The following LRCH3 variants were observed in gnomAD, a reference collection of about 807,000 sequenced individuals.
LRCH3 encodes the protein DISP complex protein LRCH3.
Under a neutral mutation model 104.5 loss-of-function variants are expected in LRCH3, and 68 were observed. That is an observed-to-expected ratio of 0.65 (90% CI 0.54 to 0.80). The LOEUF is 0.80. LRCH3 is among the 30% of genes least tolerant of loss of function. LRCH3 has a pLI of 0.00. For synonymous variants in LRCH3, 344 were observed against 361.3 expected, an observed-to-expected ratio of 0.95 and a Z score of 0.54; for missense variants, 951 against 953.9, an observed-to-expected ratio of 1.00 and a Z score of 0.04.
At chr3:197,865,018 G>GGA (rs973905559) in intron 15 of LRCH3, among the ~76,000 whole-genome samples, 8 of 151,762 alleles carry the variant, frequency 5.3e-5, no homozygotes, top group African/African-American at 1.9e-4. Context: ...AGAGAGAGAG[G>GGA]GAGAGAGAGA....
chr3:197,864,443 A>C (rs1741224854), intron 15 of LRCH3, among the ~76,000 whole-genome samples: 1 of 149,738 alleles, frequency 6.7e-6, no homozygotes, highest in South Asian at 2.1e-4. Context: ...CCCCGTATCT[A>C]CTAAAAATAC....
chr3:197,814,221 C>T (rs75896067), intron 1 of LRCH3, among the ~76,000 whole-genome samples: 2,737 of 152,230 alleles, frequency 0.018, 34 homozygotes, highest in Non-Finnish European at 0.028. Flanking sequence ...CTTACTTACA[C>T]GGCAGCGGCA....
chr3:197,835,583 G>A, intron 8 of LRCH3, 91 bp from the exon 9 acceptor site: 10 of 1,331,620 alleles, frequency 7.5e-6, no homozygotes, highest in Non-Finnish European at 9.7e-6. Context: ...ATGGGGAAAA[G>A]GAAATAAGTA....
At chr3:197,825,125 C>G (rs1403089746) in intron 4 of LRCH3, among the ~76,000 whole-genome samples, 1 of 152,136 alleles carries the variant, frequency 6.6e-6, no homozygotes, top group Admixed American at 6.6e-5. Context: ...TTTCCACTTT[C>G]AGTGTTTAAA....
chr3:197,861,059 C>T (rs1257392230), intron 15 of LRCH3, among the ~76,000 whole-genome samples: 1 of 151,466 alleles, frequency 6.6e-6, no homozygotes, highest in African/African-American at 2.4e-5. Context: ...GCAACCTCTG[C>T]CTCCTGGGTT....
At chr3:197,833,259 C>A (rs1349359208) in intron 8 of LRCH3, among the ~76,000 whole-genome samples, 2 of 148,128 alleles carry the variant, frequency 1.4e-5, no homozygotes, top group Admixed American at 1.4e-4. Flanking sequence ...GTGGCTCACG[C>A]CTGTAATCCC....
At chr3:197,835,017 A>ATGTG (rs1560558887) in intron 8 of LRCH3, among the ~76,000 whole-genome samples, 1 of 151,854 alleles carries the variant, frequency 6.6e-6, no homozygotes, top group Non-Finnish European at 1.5e-5. Context: ...GGTGGTGCAC[A>ATGTG]CCTGTAATCC....
At chr3:197,823,807 T>C (rs1298563490) in intron 4 of LRCH3, among the ~76,000 whole-genome samples, 1 of 152,128 alleles carries the variant, frequency 6.6e-6, no homozygotes, top group African/African-American at 2.4e-5. Context: ...CTAACTGATA[T>C]GTTTTTATAG....
intron 20 of LRCH3, among the ~76,000 whole-genome samples, chr3:197,879,304 C>T (rs1008203792): frequency 1.3e-5 from 2 of 152,148 alleles, no homozygotes; most frequent in African/African-American, 4.8e-5. Context: ...AGGCCCTTAA[C>T]AGCTCTGCCT....
intron 20 of LRCH3, chr3:197,882,875 A>G (rs546992965): frequency 3.1e-4 from 308 of 985,260 alleles, no homozygotes; most frequent in Non-Finnish European, 3.6e-4. Context: ...AGGATATTAA[A>G]TCCTTTACAT....
chr3:197,818,035 A>C (rs188489897), intron 3 of LRCH3, among the ~76,000 whole-genome samples: 1 of 152,208 alleles, frequency 6.6e-6, no homozygotes, highest in Admixed American at 6.5e-5. Context: ...GTTAGCCAGG[A>C]TAGTCTTGAT....
chr3:197,870,113 T>G, intron 17 of LRCH3, 47 bp from the exon 18 acceptor site: 1 of 1,595,948 alleles, frequency 6.3e-7, no homozygotes, highest in Non-Finnish European at 8.6e-7. Flanking sequence ...GATGTTCTCC[T>G]AGCACTGCCA....
rs549868181 is a variant in LRCH3, at chr3:197,849,810, T to C, written c.1530+1789T>C. ...TCGTCCATTTGACTTGATAGACCTTTATGGAATGCTGGTTGTACAAGGAAT... is the reference window on the plus strand; with the variant it reads ...TCGTCCATTTGACTTGATAGACCTTCATGGAATGCTGGTTGTACAAGGAAT... On this transcript the variant is annotated intron_variant, in intron 12 of 20. Transcript: ENST00000425562. Among the ~76,000 whole-genome samples the C allele has an allele frequency of 1.5e-4, 23 of 152,300 alleles. 1 individual carries two copies. Among genetic ancestry groups the C allele is most frequent in the Middle Eastern group, 6.8e-3 (2 of 294 alleles).
chr3:197,825,464 A>ATTTTTTTTTTTTTTTTT lies in LRCH3; in HGVS notation c.641-1397_641-1381dup, dbSNP rs58237989. On this transcript the variant is annotated intron_variant, in intron 4 of 20. Transcript: ENST00000425562. ...TAGACCTCTTTGTTGATCCTCTTTG[A>ATTTTTTTTTTTTTTTTT]TTTTTTTTTTTTTTTTTTTTTTTTT... Among the ~76,000 whole-genome samples, 3 of 20,068 alleles carry ATTTTTTTTTTTTTTTTT rather than the reference A, an allele frequency of 1.5e-4. 1 individual carries two copies. Among genetic ancestry groups the ATTTTTTTTTTTTTTTTT allele is most frequent in the Non-Finnish European group, 1.9e-4 (2 of 10,748 alleles). The allele number at this position is 20,068 out of a possible 152,430, so 13.2% of individuals were successfully genotyped here. A position where few individuals can be genotyped will look rare whatever the true frequency, so the allele number is the denominator to read the frequency against.
rs369348136 is a variant in LRCH3, at chr3:197,791,255, G to A, written c.-24G>A. Reference sequence around the variant, plus strand: ...CGGCCGCGCATGCGCTGAGCTGGCGGGCCCGAGTGTTGTCGGCTGGGAAAT... The same window carrying A: ...CGGCCGCGCATGCGCTGAGCTGGCGAGCCCGAGTGTTGTCGGCTGGGAAAT... On this transcript the variant is annotated 5_prime_UTR_variant, in exon 1 of 21. Transcript: ENST00000425562. The A allele has an allele frequency of 5.0e-6, 8 of 1,605,540 alleles. No individual in the cohort carries two copies. In the African/African-American group the frequency reaches 5.4e-5, roughly 11 times the overall value.
intron 1 of LRCH3, among the ~76,000 whole-genome samples, chr3:197,804,462 C>A (rs1431563266): frequency 1.3e-5 from 2 of 152,124 alleles, no homozygotes; most frequent in Admixed American, 1.3e-4. Flanking sequence ...AATAAAAAAA[C>A]CTTCGTATGT....
At chr3:197,882,154 G>A (rs907403356) in intron 20 of LRCH3, 2 of 985,304 alleles carry the variant, frequency 2.0e-6, no homozygotes, top group African/African-American at 3.5e-5. Flanking sequence ...CCAGCTGGGA[G>A]GTGAGGGTGC....
chr3:197,881,833 G>C (rs184203932), intron 20 of LRCH3: 1 of 985,258 alleles, frequency 1.0e-6, no homozygotes, highest in Non-Finnish European at 1.2e-6. Flanking sequence ...TGAGGGAGGA[G>C]CATAACATCT....
At chr3:197,814,348 C>T (rs1203081891) in intron 1 of LRCH3, among the ~76,000 whole-genome samples, 1 of 152,220 alleles carries the variant, frequency 6.6e-6, no homozygotes, top group Non-Finnish European at 1.5e-5. Context: ...ATTGAATTAC[C>T]TCTCCACTGG....
Sources: gnomAD v4.1 joint callset for allele counts (sites outside exome capture counted in the v4.1 genomes callset) on GRCh38, gnomAD v4.1.1 for gene constraint, MANE v1.5 for transcripts, NCBI Gene and HGNC (gene_info 2026-07-23, HGNC 2026-07-21) for gene names.